The following NRXN3 variants were observed in gnomAD, a reference collection of about 807,000 sequenced individuals.
NRXN3 encodes neurexin III.
Under a neutral mutation model 137.6 loss-of-function variants are expected in NRXN3, and 32 were observed. That is an observed-to-expected ratio of 0.23 (90% CI 0.18 to 0.31). The LOEUF is 0.31. Among genes scored for constraint, NRXN3 ranks in the 10% least tolerant of loss-of-function variants. The pLI is 1.00. For synonymous variants in NRXN3, 798 were observed against 784.5 expected (o/e 1.02, Z -0.29); for missense variants, 1,574 against 2,062.5 (o/e 0.76, Z 4.59).
At chr14:78,808,671 A>G (rs1043203822) in intron 9 of NRXN3, among the ~76,000 whole-genome samples, 1 of 152,090 alleles carries the variant, frequency 6.6e-6, no homozygotes, top group Non-Finnish European at 1.5e-5. Context: ...TGACAAACCT[A>G]ACCGCACGAA....
At chr14:78,176,996 A>T (rs1451014428) in intron 1 of NRXN3, among the ~76,000 whole-genome samples, 1 of 151,538 alleles carries the variant, frequency 6.6e-6, no homozygotes, top group Non-Finnish European at 1.5e-5. Flanking sequence ...TTCCTGGGGG[A>T]GGAGAAACTG....
chr14:79,276,756 T>C (rs193226092), intron 15 of NRXN3, among the ~76,000 whole-genome samples: 16 of 150,332 alleles, frequency 1.1e-4, no homozygotes, highest in African/African-American at 2.7e-4. Flanking sequence ...AGGTGGTCAG[T>C]TTATCAACTC....
intron 16 of NRXN3, among the ~76,000 whole-genome samples, chr14:79,581,678 A>C (rs1602423938): frequency 6.6e-6 from 1 of 152,154 alleles, no homozygotes; most frequent in Non-Finnish European, 1.5e-5. Context: ...TTTTCCCCTT[A>C]CTTTAAATTC....
rs1271100692 is a variant in NRXN3, at chr14:78,980,475, A to C, written c.3143-7547A>C. Among the ~76,000 whole-genome samples, 3 of 152,352 alleles carry C rather than the reference A, an allele frequency of 2.0e-5. No individual in the cohort carries two copies. In the East Asian group the frequency reaches 5.8e-4, roughly 29 times the overall value. Reference sequence around the variant, plus strand: ...GATACTAGTGTTGTGAGCTTTAGGAAGAAAGTCTATTTCAAGGACCTACAA... The same window carrying C: ...GATACTAGTGTTGTGAGCTTTAGGACGAAAGTCTATTTCAAGGACCTACAA... On this transcript the variant is annotated intron_variant, in intron 14 of 20. Transcript: ENST00000335750.
At chr14:79,371,386 A>T (rs1184487278) in intron 15 of NRXN3, among the ~76,000 whole-genome samples, 2 of 152,176 alleles carry the variant, frequency 1.3e-5, no homozygotes, top group African/African-American at 4.8e-5. Flanking sequence ...GTATCTAGGA[A>T]TAGATACTTG....
chr14:78,717,580 A>C (rs1038749837), intron 8 of NRXN3, among the ~76,000 whole-genome samples: 2 of 152,152 alleles, frequency 1.3e-5, no homozygotes, highest in African/African-American at 4.8e-5. Flanking sequence ...CTCTGCTAGC[A>C]AAGAAAAGTT....
chr14:78,463,549 G>GT (rs148175444), intron 4 of NRXN3, among the ~76,000 whole-genome samples: 3,022 of 148,914 alleles, frequency 0.02, 94 homozygotes, highest in African/African-American at 0.062. Flanking sequence ...ATACCTTGTT[G>GT]TTTTTTTTGA....
rs576793129 is a variant in NRXN3, at chr14:79,023,410, C to T, written c.3262+35269C>T. On this transcript the variant is annotated intron_variant, in intron 15 of 20. Transcript: ENST00000335750. ...CATGCAATAGAATAAAATATTAGCA[C>T]TTTCTGAAAAAAAGCAAAGCAGGTA... 2.0e-5 allele frequency among the ~76,000 whole-genome samples: 3 copies of T among 151,998 alleles called. No homozygotes were observed. The South Asian group carries it at 6.2e-4, about 32-fold the overall frequency.
At chr14:78,810,377 T>TTAAA in intron 10 of NRXN3, 33 bp downstream of exon 10, 1 of 745,700 alleles carries the variant, frequency 1.3e-6, no homozygotes, top group Non-Finnish European at 2.0e-6. Context: ...TTTTGTTCTT[T>TTAAA]AAAAAAAAAA....
chr14:78,391,338 G>T (rs910403605), intron 4 of NRXN3, among the ~76,000 whole-genome samples: 1 of 152,110 alleles, frequency 6.6e-6, no homozygotes, highest in African/African-American at 2.4e-5. Context: ...TTCTTCAAGT[G>T]TGAAGGTGTA....
intron 16 of NRXN3, among the ~76,000 whole-genome samples, chr14:79,469,054 A>G (rs960058962): frequency 1.3e-5 from 2 of 152,252 alleles, no homozygotes; most frequent in African/African-American, 4.8e-5. Flanking sequence ...TATGCTACAT[A>G]TAACTTAATG....
chr14:78,590,043 G>A (rs969327510), intron 4 of NRXN3, among the ~76,000 whole-genome samples: 1 of 152,164 alleles, frequency 6.6e-6, no homozygotes, highest in African/African-American at 2.4e-5. Context: ...AAGAAGGAAG[G>A]GGGATCGAAA....
At chr14:78,237,807 G>A (rs943683404) in intron 1 of NRXN3, among the ~76,000 whole-genome samples, 4 of 152,288 alleles carry the variant, frequency 2.6e-5, no homozygotes, top group Admixed American at 1.3e-4. Context: ...TGAACATGGG[G>A]CAAAACCACC....
At chr14:78,929,504 A>G (rs1199013089) in intron 10 of NRXN3, among the ~76,000 whole-genome samples, 1 of 152,142 alleles carries the variant, frequency 6.6e-6, no homozygotes, top group Non-Finnish European at 1.5e-5. Context: ...AATGGCCTCT[A>G]GCTCCATCCA....
At chr14:79,556,051 G>A (rs751897657) in intron 16 of NRXN3, among the ~76,000 whole-genome samples, 2 of 152,148 alleles carry the variant, frequency 1.3e-5, no homozygotes, top group Non-Finnish European at 2.9e-5. Context: ...GCAACAGGGT[G>A]TGAGTGGATG....
intron 16 of NRXN3, among the ~76,000 whole-genome samples, chr14:79,517,131 C>T (rs983296771): frequency 1.3e-5 from 2 of 150,896 alleles, no homozygotes; most frequent in Non-Finnish European, 2.9e-5. Flanking sequence ...TTCCCCACAC[C>T]TCACCAATAG....
At chr14:79,443,233 A>C (rs2095998035) in intron 15 of NRXN3, among the ~76,000 whole-genome samples, 1 of 152,238 alleles carries the variant, frequency 6.6e-6, no homozygotes, top group Non-Finnish European at 1.5e-5. Context: ...GCATGTCTTT[A>C]GCTTCTTCAT....
At chr14:78,616,145 A>G (rs1300124415) in intron 4 of NRXN3, among the ~76,000 whole-genome samples, 1 of 152,194 alleles carries the variant, frequency 6.6e-6, no homozygotes, top group Non-Finnish European at 1.5e-5. Context: ...TGATCTTTTT[A>G]AAGTATAAAT....
At chr14:79,469,469 A>C (rs144238702) in intron 16 of NRXN3, among the ~76,000 whole-genome samples, 27 of 152,320 alleles carry the variant, frequency 1.8e-4, no homozygotes, top group African/African-American at 6.3e-4. Flanking sequence ...GGTAACATCC[A>C]TTGTGTGCAT....
Sources: allele counts gnomAD v4.1 joint callset (sites outside exome capture counted in the v4.1 genomes callset), GRCh38; gene constraint gnomAD v4.1.1; transcripts MANE v1.5; gene names NCBI Gene and HGNC (gene_info 2026-07-23, HGNC 2026-07-21).